TOP1: variants seen among roughly 807,000 people sequenced by gnomAD.
TOP1 encodes the protein DNA topoisomerase 1.
A neutral mutation model predicts 111.1 loss-of-function variants in TOP1; 10 were observed. The ratio of observed to expected loss-of-function variants is 0.09; its 90% CI spans 0.06 to 0.15. TOP1 has a LOEUF of 0.15. Among genes scored for constraint, TOP1 ranks in the 10% least tolerant of loss-of-function variants. The probability of loss-of-function intolerance (pLI) is 1.00; values close to 1 mark genes in which losing one functional copy is unlikely to be tolerated. For synonymous variants in TOP1, 271 were observed against 302.9 expected, an observed-to-expected ratio of 0.89 and a Z score of 1.10; for missense variants, 474 against 926.7, an observed-to-expected ratio of 0.51 and a Z score of 6.34.
intron 9 of TOP1, among the ~76,000 whole-genome samples, chr20:41,093,532 C>G (rs912805220): frequency 6.6e-6 from 1 of 152,068 alleles, no homozygotes; most frequent in African/African-American, 2.4e-5. Context: ...GTCTTACCAC[C>G]GTCTTTTGGC....
rs762757738 is a variant in TOP1 at position 41,076,185 on chromosome 20, C to G, written c.170C>G (p.Ser57Cys). The G allele has an allele frequency of 6.2e-7, 1 of 1,609,202 alleles. No homozygotes were observed. The highest frequency in any genetic ancestry group is 1.3e-5 in the African/African-American group (1 of 74,666). The change falls in exon 4 of 21, where the codon TCT becomes TGT. Residue 57 changes from serine (S) to cysteine (C), a missense_variant. Physicochemically the swap from Ser to Cys is moderately radical, Grantham distance 112. This residue lies in a region of TOP1 where 185 missense variants were observed against 226.3 expected (regional missense o/e 0.82). Coordinates refer to ENST00000361337, the MANE Select transcript of TOP1 (RefSeq NM_003286.4). The stretch of plus-strand genomic sequence containing the variant: ...ACTTTTTACAGTGAACATAAAGATT[C>G]TGAAAAGAAACACAAAGAGAAGGAG... ...SKHSNSEHKD[S>C]EKKHKEKEKT...
chr20:41,075,228 G>A (rs926102882), intron 3 of TOP1, among the ~76,000 whole-genome samples: 1 of 152,170 alleles, frequency 6.6e-6, no homozygotes, highest in African/African-American at 2.4e-5. Context: ...CTGGAGTGCA[G>A]TGGCACTATC....
At chr20:41,031,368 T>C (rs1568667629) in intron 2 of TOP1, among the ~76,000 whole-genome samples, 3 of 152,208 alleles carry the variant, frequency 2.0e-5, no homozygotes, top group South Asian at 2.1e-4. Flanking sequence ...GCTGAGTAGG[T>C]AATGTAAGTA....
chr20:41,090,119 G>GTGC (rs1190652434), intron 8 of TOP1, among the ~76,000 whole-genome samples: 4 of 152,016 alleles, frequency 2.6e-5, no homozygotes, highest in African/African-American at 9.7e-5. Context: ...GATTACAGGC[G>GTGC]TGCACCACCA....
At chr20:41,087,327 T>C (rs1450773961) in intron 8 of TOP1, among the ~76,000 whole-genome samples, 1 of 152,248 alleles carries the variant, frequency 6.6e-6, no homozygotes. Context: ...CCATTGTAGC[T>C]GAACAGGGTT....
At chr20:41,074,489 G>T (rs201327712) in intron 3 of TOP1, among the ~76,000 whole-genome samples, 29 of 143,764 alleles carry the variant, frequency 2.0e-4, no homozygotes, top group African/African-American at 5.5e-4. Flanking sequence ...GCATTGTTTT[G>T]TTTTTTTTTT....
chr20:41,047,300 T>C (rs1041033601), intron 2 of TOP1, among the ~76,000 whole-genome samples: 2 of 152,262 alleles, frequency 1.3e-5, no homozygotes, highest in Admixed American at 1.3e-4. Context: ...GGTGGTATTT[T>C]TACTGCCTCT....
In TOP1 at chr20:41,101,303, A is replaced by G. The variant is rs770954982; in HGVS notation, c.1258A>G (p.Ile420Val). The change falls in exon 13 of 21, where the codon ATC (isoleucine) becomes GTC (valine). Residue 420 changes from isoleucine to valine, a missense_variant. Physicochemically the swap from Ile to Val is conservative, Grantham distance 29. This residue lies in a region of TOP1 where 7 missense variants were observed against 57.3 expected (regional missense o/e 0.12). Coordinates refer to ENST00000361337, the MANE Select transcript of TOP1 (RefSeq NM_003286.4). This position sits in a 1 kb window ranked among gnomAD's most constrained non-coding sequence, Gnocchi z 4.1. ...TTGGCTGGTTTCCTGGACAGAGAACATCCAAGGTTCCATTAAATACATCAT... is the reference window on the plus strand; with the variant it reads ...TTGGCTGGTTTCCTGGACAGAGAACGTCCAAGGTTCCATTAAATACATCAT... ...VTWLVSWTEN[I>V]QGSIKYIMLN... 2 of 1,614,218 alleles carry G rather than the reference A, an allele frequency of 1.2e-6. No homozygotes were observed. The highest frequency in any genetic ancestry group is 1.7e-6 in the Non-Finnish European group (2 of 1,180,018).
At chr20:41,065,006 G>C (rs951756992) in intron 3 of TOP1, among the ~76,000 whole-genome samples, 3 of 152,138 alleles carry the variant, frequency 2.0e-5, no homozygotes, top group African/African-American at 7.2e-5. Flanking sequence ...CCAGGTTCAA[G>C]TGATTCTCCT....
In TOP1 at chr20:41,030,312, A is replaced by G. The variant is rs1414478362; in HGVS notation, c.58+857A>G. On this transcript the variant is annotated intron_variant, in intron 2 of 20. Transcript: ENST00000361337. The surrounding 1 kb of genome is among the most constrained non-coding windows in gnomAD (Gnocchi z 4.1). ...TTTAGTGTACTTGTTGGAAGGAAAGATTGTTGAGCATCTCTTGTGGACCTG... is the reference window on the plus strand; with the variant it reads ...TTTAGTGTACTTGTTGGAAGGAAAGGTTGTTGAGCATCTCTTGTGGACCTG... Among the ~76,000 whole-genome samples the G allele has an allele frequency of 2.6e-5, 4 of 152,158 alleles. No homozygotes were observed. Among genetic ancestry groups the G allele is most frequent in the Non-Finnish European group, 4.4e-5 (3 of 68,024 alleles).
chr20:41,057,189 C>A (rs564339748), intron 2 of TOP1, among the ~76,000 whole-genome samples: 5 of 152,016 alleles, frequency 3.3e-5, no homozygotes, highest in African/African-American at 1.2e-4. Context: ...TTGCTTGAAC[C>A]CGGGAGGCTG....
Position 41,114,912 on chromosome 20 carries a change from C to G in TOP1, c.1639-459C>G, listed in dbSNP as rs1255751992. Among the ~76,000 whole-genome samples, 3 of 152,158 alleles carry G rather than the reference C, an allele frequency of 2.0e-5. No homozygotes were observed. Among genetic ancestry groups the G allele is most frequent in the Non-Finnish European group, 2.9e-5 (2 of 68,018 alleles). On this transcript the variant is annotated intron_variant, in intron 15 of 20. Coordinates refer to ENST00000361337, the MANE Select transcript of TOP1 (RefSeq NM_003286.4). This position sits in a 1 kb window ranked among gnomAD's most constrained non-coding sequence, Gnocchi z 4.5. ...ATAATCAGTAATCAGGTTTTGCTGG[C>G]TGTGGAAGTACTCTGGACAGATTAG...
In TOP1 at chr20:41,061,964, G is replaced by C. The variant is rs898220011; in HGVS notation, c.155+474G>C. On this transcript the variant is annotated intron_variant, in intron 3 of 20. Transcript: ENST00000361337. The surrounding 1 kb of genome is among the most constrained non-coding windows in gnomAD (Gnocchi z 4.6). ...TTGAGTATATGAGATTTCCTGGAGA[G>C]ACTATTTGTAGCTTTCATCATGTTA... Among the ~76,000 whole-genome samples the C allele has an allele frequency of 4.6e-5, 7 of 152,162 alleles. No individual in the cohort carries two copies. Among genetic ancestry groups the C allele is most frequent in the Admixed American group, 6.5e-5 (1 of 15,270 alleles).
rs558258280 is a variant in TOP1 at position 41,102,503 on chromosome 20, G to C, written c.1308+1150G>C. The stretch of plus-strand genomic sequence containing the variant: ...TGGGTGCCTGTAATCCCATCTACTT[G>C]GGAGGCGGAGGCAGGAGAATCGCTT... On this transcript the variant is annotated intron_variant, in intron 13 of 20. Transcript: ENST00000361337. The surrounding 1 kb of genome is among the most constrained non-coding windows in gnomAD (Gnocchi z 4.0). Among the ~76,000 whole-genome samples, 217 of 152,254 alleles carry C rather than the reference G, an allele frequency of 1.4e-3. 2 individuals carry two copies. Among genetic ancestry groups the C allele is most frequent in the Non-Finnish European group, 2.2e-3 (153 of 68,014 alleles).
At chr20:41,090,028 C>T (rs542099797) in intron 8 of TOP1, among the ~76,000 whole-genome samples, 14 of 152,108 alleles carry the variant, frequency 9.2e-5, no homozygotes, top group Non-Finnish European at 1.9e-4. Flanking sequence ...GGCTGGAGTG[C>T]AGTGGCGCAA....
chr20:41,101,443 T>C lies in TOP1; in HGVS notation c.1308+90T>C, dbSNP rs2034063084. The C allele has an allele frequency of 1.0e-5, 14 of 1,358,042 alleles. No homozygotes were observed. The highest frequency in any genetic ancestry group is 1.4e-5 in the Non-Finnish European group (14 of 1,009,628). 84.1% of individuals were successfully genotyped at this position (1,358,042 alleles called of 1,614,324 possible). ...ACGTTCTCGTCCTCTAGAATCACTT[T>C]GACAAATTAAAAATCCTCCCCATTG... On this transcript the variant is annotated intron_variant, in intron 13 of 20. Transcript: ENST00000361337. The surrounding 1 kb of genome is among the most constrained non-coding windows in gnomAD (Gnocchi z 4.1).
chr20:41,045,076 C>T (rs1185223768), intron 2 of TOP1, among the ~76,000 whole-genome samples: 5 of 152,238 alleles, frequency 3.3e-5, no homozygotes, highest in South Asian at 2.1e-4. Context: ...GCATGAGCCA[C>T]TGCACCTGGC....
chr20:41,056,192 TA>T (rs2033468668), intron 2 of TOP1, among the ~76,000 whole-genome samples: 1 of 152,208 alleles, frequency 6.6e-6, no homozygotes, highest in African/African-American at 2.4e-5. Flanking sequence ...TCTGTCAGTT[TA>T]CCTACTGCAG....
Position 41,080,052 on chromosome 20 carries a change from A to G in TOP1, c.336-33A>G, listed in dbSNP as rs765586366. 23 of 1,265,948 alleles carry G rather than the reference A, an allele frequency of 1.8e-5. 1 individual carries two copies. In the South Asian group the frequency reaches 2.5e-4, roughly 14 times the overall value. 78.4% of individuals were successfully genotyped at this position (1,265,948 alleles called of 1,614,324 possible). A position where few individuals can be genotyped will look rare whatever the true frequency, so the allele number is the denominator to read the frequency against. On this transcript the variant is annotated intron_variant, in intron 5 of 20. Transcript: ENST00000361337. This position sits in a 1 kb window ranked among gnomAD's most constrained non-coding sequence, Gnocchi z 5.0. The stretch of plus-strand genomic sequence containing the variant: ...TGTATTAATAGAATACAGATGTTCT[A>G]GCACTCTGACCAGCAATTTTTTTTC...
Sources: allele counts gnomAD v4.1 joint callset (sites outside exome capture counted in the v4.1 genomes callset), GRCh38; gene constraint gnomAD v4.1.1; regional missense constraint gnomAD v4.1.1; non-coding constraint Gnocchi (gnomAD v3.1); transcripts MANE v1.5; gene names NCBI Gene and HGNC (gene_info 2026-07-23, HGNC 2026-07-21).